AGBL4: variants seen among roughly 807,000 people sequenced by gnomAD.
The protein encoded by AGBL4 is AGBL carboxypeptidase 4.
Under a neutral mutation model 66.4 loss-of-function variants are expected in AGBL4, and 58 were observed. The observed-to-expected ratio is 0.87, with a 90% CI of 0.71 to 1.09. The LOEUF is 1.09. Among genes scored for constraint, AGBL4 ranks in the 50% least tolerant of loss-of-function variants. The probability of loss-of-function intolerance (pLI) is 0.00; values close to 1 mark genes in which losing one functional copy is unlikely to be tolerated. For missense variants in AGBL4, 579 were observed against 631.0 expected, an observed-to-expected ratio of 0.92 and a Z score of 0.88; for synonymous variants, 234 against 222.9, an observed-to-expected ratio of 1.05 and a Z score of -0.44.
chr1:49,397,143 A>G (rs1257939023), intron 3 of AGBL4, among the ~76,000 whole-genome samples: 1 of 152,004 alleles, frequency 6.6e-6, no homozygotes, highest in South Asian at 2.1e-4. Flanking sequence ...CTCAGTTCCT[A>G]ACAGGCCACA....
chr1:48,864,671 A>G (rs1234469580), intron 6 of AGBL4, among the ~76,000 whole-genome samples: 2 of 152,214 alleles, frequency 1.3e-5, no homozygotes, highest in Non-Finnish European at 2.9e-5. Context: ...AATGACATTG[A>G]TAGTGTGATA....
chr1:49,975,793 C>T (rs750878850), intron 1 of AGBL4, among the ~76,000 whole-genome samples: 4 of 152,188 alleles, frequency 2.6e-5, no homozygotes, highest in Non-Finnish European at 5.9e-5. Flanking sequence ...ATGCCTAGCA[C>T]GGTTTCTGCA....
chr1:49,829,274 ACGTAAG>A (rs1322964772), intron 2 of AGBL4, among the ~76,000 whole-genome samples: 1 of 152,208 alleles, frequency 6.6e-6, no homozygotes. Context: ...GATTAAAGAT[ACGTAAG>A]CTGAACCTTG....
intron 3 of AGBL4, among the ~76,000 whole-genome samples, chr1:49,582,539 G>A (rs890173805): frequency 2.0e-5 from 3 of 152,172 alleles, no homozygotes; most frequent in Non-Finnish European, 4.4e-5. Context: ...GTTCCTGGGG[G>A]TTGCCTGGTT....
intron 3 of AGBL4, among the ~76,000 whole-genome samples, chr1:49,589,949 A>G (rs2124070429): frequency 6.6e-6 from 1 of 152,192 alleles, no homozygotes; most frequent in Middle Eastern, 3.4e-3. Context: ...TATAGTAATA[A>G]ATTGACAGAG....
At chr1:49,314,463 T>C (rs780050841) in intron 3 of AGBL4, among the ~76,000 whole-genome samples, 3 of 152,072 alleles carry the variant, frequency 2.0e-5, no homozygotes, top group Non-Finnish European at 4.4e-5. Context: ...CTCCCACTCA[T>C]GAGTGAGAAC....
chr1:49,791,375 C>A (rs1479428929), intron 2 of AGBL4, among the ~76,000 whole-genome samples: 2 of 151,964 alleles, frequency 1.3e-5, no homozygotes, highest in Admixed American at 6.6e-5. Context: ...GTAAAATTTT[C>A]TGCCTTAGTG....
intron 3 of AGBL4, among the ~76,000 whole-genome samples, chr1:49,539,004 C>T (rs896793602): frequency 7.2e-5 from 11 of 152,064 alleles, no homozygotes; most frequent in Non-Finnish European, 1.3e-4. Flanking sequence ...AGTATACTAT[C>T]ATTTATAGCA....
At chr1:49,191,593 T>C (rs1265233884) in intron 4 of AGBL4, among the ~76,000 whole-genome samples, 1 of 152,192 alleles carries the variant, frequency 6.6e-6, no homozygotes, top group South Asian at 2.1e-4. Flanking sequence ...ATAGGTAGTT[T>C]TTCAACTCTT....
chr1:49,836,018 C>G (rs183277433), intron 2 of AGBL4, among the ~76,000 whole-genome samples: 2 of 152,194 alleles, frequency 1.3e-5, no homozygotes, highest in African/African-American at 4.8e-5. Context: ...ACATTTTTTC[C>G]TTTATTTCAA....
chr1:49,477,295 A>G lies in AGBL4; in HGVS notation c.282+220018T>C, dbSNP rs143980120. ...GCTATGCTGGCTTCAGGTTTGACCC[A>G]GCACAGTCCTAGTGATGGTGACTGC... On this transcript the variant is annotated intron_variant, in intron 3 of 13. Transcript: ENST00000371839. 6.8e-3 allele frequency among the ~76,000 whole-genome samples: 1,028 copies of G among 152,274 alleles called. 16 individuals carry two copies. Among genetic ancestry groups the G allele is most frequent in the Non-Finnish European group, 0.01 (709 of 68,004 alleles).
At chr1:49,166,437 A>G (rs1228153232) in intron 4 of AGBL4, among the ~76,000 whole-genome samples, 1 of 152,128 alleles carries the variant, frequency 6.6e-6, no homozygotes, top group Non-Finnish European at 1.5e-5. Flanking sequence ...TTCCAGAGTA[A>G]TTTAGTGGTT....
intron 6 of AGBL4, among the ~76,000 whole-genome samples, chr1:48,813,588 A>G (rs992683156): frequency 6.6e-6 from 1 of 152,178 alleles, no homozygotes; most frequent in Non-Finnish European, 1.5e-5. Context: ...ATTGTTTACT[A>G]TATCTACAAC....
chr1:49,097,444 G>T (rs937088120), intron 4 of AGBL4, among the ~76,000 whole-genome samples: 1 of 152,058 alleles, frequency 6.6e-6, no homozygotes, highest in Non-Finnish European at 1.5e-5. Context: ...TATTATATGT[G>T]TACTTTTATG....
intron 3 of AGBL4, among the ~76,000 whole-genome samples, chr1:49,281,090 C>T (rs1442343390): frequency 1.3e-5 from 2 of 152,128 alleles, no homozygotes; most frequent in Non-Finnish European, 2.9e-5. Flanking sequence ...ATAAGTATTA[C>T]AGGCAGACAT....
At chr1:49,101,469 G>A (rs1392017953) in intron 4 of AGBL4, among the ~76,000 whole-genome samples, 2 of 152,184 alleles carry the variant, frequency 1.3e-5, no homozygotes, top group Non-Finnish European at 2.9e-5. Context: ...TTACAGGCAT[G>A]AGCTACCATG....
chr1:49,939,342 G>A (rs1654486163), intron 1 of AGBL4, among the ~76,000 whole-genome samples: 1 of 151,782 alleles, frequency 6.6e-6, no homozygotes, highest in African/African-American at 2.4e-5. Flanking sequence ...CACAGAATTG[G>A]AAAAAACTAC....
rs145905212 is a variant in AGBL4, at chr1:49,981,976, A to G, written c.34+41787T>C. On this transcript the variant is annotated intron_variant, in intron 1 of 13. Transcript: ENST00000371839. ...ACTCATTGGATTTCACCAGGGATCC[A>G]GAGCGTAACTCTTGATGTCAAAGAT... Among the ~76,000 whole-genome samples, 16 of 152,366 alleles carry G rather than the reference A, an allele frequency of 1.1e-4. No homozygotes were observed. In the East Asian group the frequency reaches 3.1e-3, roughly 29 times the overall value.
At chr1:49,631,803 T>A (rs1439212153) in intron 3 of AGBL4, among the ~76,000 whole-genome samples, 1 of 152,136 alleles carries the variant, frequency 6.6e-6, no homozygotes. Flanking sequence ...TGCAACATGG[T>A]TCTAAGAGAG....
Sources: gnomAD v4.1 joint callset for allele counts (sites outside exome capture counted in the v4.1 genomes callset) on GRCh38, gnomAD v4.1.1 for gene constraint, MANE v1.5 for transcripts, NCBI Gene and HGNC (gene_info 2026-07-23, HGNC 2026-07-21) for gene names.